SAMD8: variants seen among roughly 807,000 people sequenced by gnomAD.
SAMD8 encodes the protein sphingomyelin synthase-related protein 1.
SAMD8 carries 20 observed loss-of-function variants against 42.0 expected under a neutral mutation model. That is an observed-to-expected ratio of 0.48 (90% confidence interval 0.34 to 0.69). The LOEUF (loss-of-function observed/expected upper bound fraction) is 0.69, where lower values mean the gene tolerates loss of function less well. SAMD8 is among the 30% of genes least tolerant of loss of function. SAMD8 has a pLI of 0.01. For missense variants in SAMD8, 328 were observed against 511.6 expected (o/e 0.64, Z 3.46); for synonymous variants, 162 against 173.0 (o/e 0.94, Z 0.50).
In SAMD8 at chr10:75,103,890, C is replaced by T. The variant is rs776927025; in HGVS notation, c.-16+4162C>T. On this transcript the variant is annotated intron_variant, in intron 1 of 3. Transcript: ENST00000447533. ...GCTTGGCTGAGAGGGGAGCCCACTC[C>T]CACCTGTGGAGACTGAAGACAGTGG... The T allele has an allele frequency of 3.8e-5, 50 of 1,304,322 alleles. No individual in the cohort carries two copies. The Middle Eastern group carries it at 6.9e-4, about 18-fold the overall frequency. 80.8% of individuals were successfully genotyped at this position (1,304,322 alleles called of 1,614,324 possible).
At chr10:75,101,843 C>T (rs375855049) in intron 1 of SAMD8, 12 of 1,361,978 alleles carry the variant, frequency 8.8e-6, no homozygotes, top group South Asian at 2.3e-5. Flanking sequence ...TCCTACCCCC[C>T]CCAAATTAGG....
chr10:75,119,349 G>A (rs1051039931), intron 1 of SAMD8, among the ~76,000 whole-genome samples: 3 of 152,022 alleles, frequency 2.0e-5, no homozygotes, highest in South Asian at 2.1e-4. Flanking sequence ...TAGAGACGGG[G>A]TTTCTCCATG....
intron 4 of SAMD8, among the ~76,000 whole-genome samples, chr10:75,174,684 CG>C (rs1337275264): frequency 2.0e-5 from 3 of 151,498 alleles, no homozygotes; most frequent in African/African-American, 7.3e-5. Flanking sequence ...CCACCCACCT[CG>C]GCCTCTCAAA....
intron 1 of SAMD8, chr10:75,125,296 C>T (rs1328345881): frequency 6.6e-6 from 1 of 152,126 alleles, no homozygotes; most frequent in Non-Finnish European, 1.5e-5. Context: ...TGATGTATGC[C>T]CAGGGACAAG....
chr10:75,123,427 G>A (rs1226391673), intron 1 of SAMD8, among the ~76,000 whole-genome samples: 1 of 152,172 alleles, frequency 6.6e-6, no homozygotes, highest in Non-Finnish European at 1.5e-5. Context: ...GAGAGGGGGA[G>A]AGACTTGTTA....
intron 1 of SAMD8, among the ~76,000 whole-genome samples, chr10:75,145,692 T>C (rs1045422517): frequency 6.6e-6 from 1 of 152,198 alleles, no homozygotes; most frequent in Non-Finnish European, 1.5e-5. Flanking sequence ...CTGTGCATTA[T>C]AGAATGTTTA....
In SAMD8 at chr10:75,150,519, G is replaced by A. The variant is rs199836488; in HGVS notation, c.-10G>A. The stretch of plus-strand genomic sequence containing the variant: ...TTCCTGTTTTCTCTCTACAGGCAGC[G>A]GAGGAGGAAATGGCAGGTCCTAATC... On this transcript the variant is annotated 5_prime_UTR_variant, in exon 2 of 6. Transcript: ENST00000542569. 153 of 1,603,944 alleles carry A rather than the reference G, an allele frequency of 9.5e-5. 1 individual carries two copies. In the East Asian group the frequency reaches 2.9e-3, roughly 30 times the overall value.
intron 1 of SAMD8, among the ~76,000 whole-genome samples, chr10:75,144,210 G>A (rs199915435): frequency 6.7e-6 from 1 of 149,616 alleles, no homozygotes; most frequent in Non-Finnish European, 1.5e-5. Flanking sequence ...CCTCGTGACC[G>A]CCTACCTCGG....
At chr10:75,144,130 G>C (rs879592661) in intron 1 of SAMD8, among the ~76,000 whole-genome samples, 1 of 151,870 alleles carries the variant, frequency 6.6e-6, no homozygotes, top group Admixed American at 6.6e-5. Context: ...ACCATGCCAG[G>C]CTCTTTTTTT....
In SAMD8 at chr10:75,148,623, G is replaced by A. The variant is rs887298803; in HGVS notation, c.-15-1891G>A. Among the ~76,000 whole-genome samples the A allele has an allele frequency of 5.9e-5, 9 of 152,290 alleles. No individual in the cohort carries two copies. The East Asian group carries it at 1.7e-3, about 29-fold the overall frequency. On this transcript the variant is annotated intron_variant, in intron 1 of 5. Transcript: ENST00000542569. The stretch of plus-strand genomic sequence containing the variant: ...CCGCCTCGGCCTCCCAAAGTGCTGG[G>A]ATTACAGGCGTGAGCCACCGCGCCC...
intron 1 of SAMD8, among the ~76,000 whole-genome samples, chr10:75,137,648 T>C (rs1000477927): frequency 2.0e-5 from 3 of 152,098 alleles, no homozygotes; most frequent in Non-Finnish European, 4.4e-5. Context: ...ATTCTACTTA[T>C]GTGAAATATC....
At chr10:75,169,995 CA>C (rs916302123) in intron 4 of SAMD8, among the ~76,000 whole-genome samples, 3 of 152,162 alleles carry the variant, frequency 2.0e-5, no homozygotes, top group Non-Finnish European at 4.4e-5. Flanking sequence ...CTGAGATAAA[CA>C]AAATAATGGC....
chr10:75,176,765 C>A lies in SAMD8; in HGVS notation c.*73C>A. ...AAAATGAGTAACTTTGCGTTCTCCC[C>A]CTAGGTTGTTCTTAGATGCCTGGCT... On this transcript the variant is annotated 3_prime_UTR_variant, in exon 6 of 6. Transcript: ENST00000542569. The surrounding 1 kb of genome is among the most constrained non-coding windows in gnomAD (Gnocchi z 4.3). 8.5e-7 allele frequency: 1 copy of A among 1,182,446 alleles called. No individual in the cohort carries two copies. Among genetic ancestry groups the A allele is most frequent in the Non-Finnish European group, 1.2e-6 (1 of 859,330 alleles). 73.2% of individuals were successfully genotyped at this position (1,182,446 alleles called of 1,614,324 possible). A position where few individuals can be genotyped will look rare whatever the true frequency, so the allele number is the denominator to read the frequency against.
chr10:75,101,089 G>T (rs559654841), intron 1 of SAMD8, among the ~76,000 whole-genome samples: 1 of 152,358 alleles, frequency 6.6e-6, no homozygotes, highest in African/African-American at 2.4e-5. Context: ...TGAGGAGTGT[G>T]GGGAGAAGGC....
chr10:75,111,580 T>C, upstream of SAMD8: 2 of 1,252,190 alleles, frequency 1.6e-6, no homozygotes, highest in South Asian at 3.3e-5. Flanking sequence ...CGCCCCCGCC[T>C]CCACTCCGGC....
chr10:75,151,938 C>T (rs1473790129), intron 2 of SAMD8, among the ~76,000 whole-genome samples: 1 of 152,110 alleles, frequency 6.6e-6, no homozygotes, highest in Non-Finnish European at 1.5e-5. Context: ...GTCCGCCTAC[C>T]TCGGCCTCCC....
At chr10:75,141,928 C>G (rs1840025613) in intron 1 of SAMD8, among the ~76,000 whole-genome samples, 1 of 151,758 alleles carries the variant, frequency 6.6e-6, no homozygotes, top group Non-Finnish European at 1.5e-5. Context: ...TCTTGCCTTG[C>G]ATCTTTTTTT....
At chr10:75,104,340 T>A (rs1309271254) in intron 1 of SAMD8, among the ~76,000 whole-genome samples, 1 of 152,198 alleles carries the variant, frequency 6.6e-6, no homozygotes, top group Admixed American at 6.5e-5. Context: ...GACCCAGAGC[T>A]GCTCTGTATG....
Position 75,179,779 on chromosome 10 carries a change from T to A in SAMD8, c.*3087T>A, listed in dbSNP as rs1416149458. On this transcript the variant is annotated 3_prime_UTR_variant, in exon 6 of 6. Transcript: ENST00000542569. The stretch of plus-strand genomic sequence containing the variant: ...AACCATAGTGAAGATAGTATTTATG[T>A]TTACATTTTATCTGTGAATGTGGCT... 2.0e-5 allele frequency: 3 copies of A among 152,232 alleles called. No homozygotes were observed. Among genetic ancestry groups the A allele is most frequent in the Non-Finnish European group, 2.9e-5 (2 of 68,048 alleles). 9.4% of individuals were successfully genotyped at this position (152,232 alleles called of 1,614,324 possible).
Sources: allele counts gnomAD v4.1 joint callset (sites outside exome capture counted in the v4.1 genomes callset), GRCh38; gene constraint gnomAD v4.1.1; non-coding constraint Gnocchi (gnomAD v3.1); transcripts MANE v1.5; gene names NCBI Gene and HGNC (gene_info 2026-07-23, HGNC 2026-07-21).